The following SCOC variants were observed in gnomAD, a reference collection of about 807,000 sequenced individuals.
SCOC encodes short coiled coil protein.
In SCOC, 7 loss-of-function variants were observed where a neutral mutation model predicts 9.9. The ratio of observed to expected loss-of-function variants is 0.71; its 90% CI spans 0.40 to 1.33. SCOC has a LOEUF of 1.33. Among genes scored for constraint, SCOC ranks in the 40% most tolerant of loss-of-function variants. The pLI is 0.01. For missense variants in SCOC, 66 were observed against 89.7 expected, an observed-to-expected ratio of 0.74 and a Z score of 1.07; for synonymous variants, 19 against 28.2, an observed-to-expected ratio of 0.67 and a Z score of 1.03.
At chr4:140,274,390 G>A (rs1730929698) in intron 1 of SCOC, among the ~76,000 whole-genome samples, 1 of 152,142 alleles carries the variant, frequency 6.6e-6, no homozygotes, top group African/African-American at 2.4e-5. Flanking sequence ...GGAAATTGGA[G>A]GTGGAAGGTC....
intron 1 of SCOC, among the ~76,000 whole-genome samples, chr4:140,294,697 A>T (rs1731572204): frequency 6.6e-6 from 1 of 152,190 alleles, no homozygotes; most frequent in African/African-American, 2.4e-5. Flanking sequence ...TTCTAGGTTC[A>T]TGGGATTTCA....
upstream of SCOC, among the ~76,000 whole-genome samples, chr4:140,372,192 G>C (rs1374491828): frequency 1.3e-5 from 2 of 152,186 alleles, no homozygotes; most frequent in East Asian, 3.8e-4. Context: ...TCTGGAGATT[G>C]GTTGGAGAAC....
At chr4:140,359,002 C>T (rs917399496) in intron 2 of SCOC, among the ~76,000 whole-genome samples, 6 of 152,196 alleles carry the variant, frequency 3.9e-5, no homozygotes, top group Non-Finnish European at 8.8e-5. Context: ...TTTGCATTTT[C>T]ATTCAGTGTT....
intron 1 of SCOC, among the ~76,000 whole-genome samples, chr4:140,318,831 A>C (rs1402828942): frequency 1.3e-5 from 2 of 152,144 alleles, no homozygotes; most frequent in African/African-American, 2.4e-5. Context: ...GAACCAACCC[A>C]AAAGCCCTTC....
At chr4:140,285,305 G>T in intron 1 of SCOC, 1 of 456,482 alleles carries the variant, frequency 2.2e-6, no homozygotes, top group Non-Finnish European at 4.4e-6. Context: ...TAATTTAGAT[G>T]ATAGGAGGAA....
intron 1 of SCOC, among the ~76,000 whole-genome samples, chr4:140,276,835 G>C (rs1188368986): frequency 6.6e-6 from 1 of 152,088 alleles, no homozygotes; most frequent in East Asian, 1.9e-4. Flanking sequence ...CAGTTGGTCA[G>C]CTTAGTTAGA....
In SCOC at chr4:140,378,998, A is replaced by G. The variant is rs1210266839; in HGVS notation, c.-50-123A>G. The G allele has an allele frequency of 6.1e-6, 4 of 654,542 alleles. No homozygotes were observed. In the Admixed American group the frequency reaches 9.3e-5, roughly 15 times the overall value. The allele number at this position is 654,542 out of a possible 1,614,324, so 40.5% of individuals were successfully genotyped here. ...TATTTACCCATTAGGCATTTATTTT[A>G]TTCTTAGTAAAGCATATGAAAAGTC... is the stretch of plus-strand genomic sequence containing the variant. On this transcript the variant is annotated intron_variant, in intron 1 of 3. Coordinates refer to ENST00000608372, the MANE Select transcript of SCOC (RefSeq NM_001153484.2).
At chr4:140,326,353 A>G (rs1006393985) in intron 1 of SCOC, among the ~76,000 whole-genome samples, 24 of 152,172 alleles carry the variant, frequency 1.6e-4, no homozygotes, top group African/African-American at 7.2e-5. Flanking sequence ...AAAAAAATCA[A>G]CGAGGATGTT....
chr4:140,328,937 C>G (rs1280646648), intron 1 of SCOC, among the ~76,000 whole-genome samples: 2 of 152,062 alleles, frequency 1.3e-5, no homozygotes, highest in African/African-American at 4.8e-5. Flanking sequence ...TTTTGCAGAA[C>G]CAGAAAAAAC....
chr4:140,300,369 C>T (rs113994765), intron 1 of SCOC, among the ~76,000 whole-genome samples: 157 of 152,324 alleles, frequency 1.0e-3, no homozygotes, highest in African/African-American at 3.7e-3. Flanking sequence ...CATCTGCACA[C>T]TCACGGGCAG....
intron 1 of SCOC, chr4:140,293,155 C>A: frequency 2.6e-6 from 1 of 386,890 alleles, no homozygotes; most frequent in Non-Finnish European, 5.1e-6. Flanking sequence ...AAGTCTGAAT[C>A]ATTGCACATG....
intron 1 of SCOC, among the ~76,000 whole-genome samples, chr4:140,276,453 T>TTTTG (rs558264360): frequency 3.4e-5 from 5 of 149,060 alleles, no homozygotes; most frequent in South Asian, 2.1e-4. Context: ...TCTCACAGGT[T>TTTTG]TTTGTTTGTT....
chr4:140,375,620 A>G (rs1009073943), intron 1 of SCOC, among the ~76,000 whole-genome samples: 4 of 152,218 alleles, frequency 2.6e-5, no homozygotes, highest in African/African-American at 4.8e-5. Context: ...CTTTGGTCAC[A>G]GGTGTGTGTG....
At chr4:140,374,318 C>T (rs750032482) in intron 1 of SCOC, 2 of 380,388 alleles carry the variant, frequency 5.3e-6, no homozygotes, top group South Asian at 3.8e-5. Context: ...TCCTGAAAGG[C>T]AGGGCTTCTG....
At chr4:140,366,230 CA>C in intron 2 of SCOC, 1 of 806,792 alleles carries the variant, frequency 1.2e-6, no homozygotes, top group Non-Finnish European at 1.6e-6. Flanking sequence ...CTTTTCTAAT[CA>C]CCTCTTTCTT....
At chr4:140,373,530 G>A (rs551898787), upstream of SCOC, 48 of 1,551,734 alleles carry the variant, frequency 3.1e-5, no homozygotes, top group African/African-American at 4.1e-5. Flanking sequence ...GGTGAGGCGG[G>A]CAGCTAATGC....
intron 1 of SCOC, among the ~76,000 whole-genome samples, chr4:140,268,370 AATC>A (rs1229438968): frequency 1.2e-4 from 18 of 152,188 alleles, no homozygotes; most frequent in African/African-American, 4.3e-4. Context: ...TATACAAATG[AATC>A]ATTATAATTT....
At chr4:140,296,574 G>C (rs1364038232) in intron 1 of SCOC, among the ~76,000 whole-genome samples, 1 of 152,186 alleles carries the variant, frequency 6.6e-6, no homozygotes, top group Non-Finnish European at 1.5e-5. Flanking sequence ...TGCCATTGAA[G>C]GACACTGACC....
At chr4:140,267,029 C>T (rs1437841934) in intron 1 of SCOC, among the ~76,000 whole-genome samples, 3 of 152,158 alleles carry the variant, frequency 2.0e-5, no homozygotes, top group Non-Finnish European at 4.4e-5. Flanking sequence ...GAGCAAAACA[C>T]CATCTTCTGC....
Sources: gnomAD v4.1 joint callset for allele counts (sites outside exome capture counted in the v4.1 genomes callset) on GRCh38, gnomAD v4.1.1 for gene constraint, MANE v1.5 for transcripts, NCBI Gene and HGNC (gene_info 2026-07-23, HGNC 2026-07-21) for gene names.